Variants in SEMA3A observed in about 807,000 individuals in gnomAD.
SEMA3A encodes semaphorin-3A.
Under a neutral mutation model 97.9 loss-of-function variants are expected in SEMA3A, and 29 were observed. The ratio of observed to expected loss-of-function variants is 0.30; its 90% CI spans 0.22 to 0.40. The LOEUF (loss-of-function observed/expected upper bound fraction) is 0.40, where lower values mean the gene tolerates loss of function less well. Ranked by LOEUF, SEMA3A falls within the 10% of genes least tolerant of loss-of-function variation. SEMA3A has a pLI of 1.00. For missense variants in SEMA3A, 763 were observed against 951.3 expected (o/e 0.80, Z 2.60); for synonymous variants, 321 against 323.7 (o/e 0.99, Z 0.09).
rs867989786 is a variant in SEMA3A, at chr7:84,106,472, G to A, written c.453+3998C>T. On this transcript the variant is annotated intron_variant, in intron 4 of 16. Transcript: ENST00000265362. ...TACACTCTATGATTTTTGCACAACA[G>A]TAAAATAGCCTAAGGACATATTTCT... Among the ~76,000 whole-genome samples, 10 of 152,188 alleles carry A rather than the reference G, an allele frequency of 6.6e-5. No individual in the cohort carries two copies. In the South Asian group the frequency reaches 1.5e-3, roughly 22 times the overall value.
At position 84,449,863 on chromosome 7, in the gene SEMA3A, C is replaced by T. The variant is rs1584333783; in HGVS notation, c.-246+42597G>A. 2.0e-5 allele frequency among the ~76,000 whole-genome samples: 3 copies of T among 152,216 alleles called. No individual in the cohort carries two copies. In the Middle Eastern group the frequency reaches 0.01, roughly 518 times the overall value. ...GTCATTTTGTGGCTGAATTATTTCA[C>T]TTAGCATAATATCCTCAAAGTCCAT... On this transcript the variant is annotated intron_variant, in intron 1 of 3. Transcript: ENST00000424555.
At chr7:83,961,928 C>T in intron 16 of SEMA3A, 102 bp from the exon 17 acceptor site, 1 of 796,214 alleles carries the variant, frequency 1.3e-6, no homozygotes, top group African/African-American at 1.8e-5. Context: ...TGTTGAGGCA[C>T]ATTTTAACAG....
At chr7:84,176,800 G>A (rs1247600401) in intron 1 of SEMA3A, among the ~76,000 whole-genome samples, 1 of 151,884 alleles carries the variant, frequency 6.6e-6, no homozygotes, top group Non-Finnish European at 1.5e-5. Flanking sequence ...CAACAATTCA[G>A]TCTAGTCATT....
At chr7:84,067,575 A>T (rs945443823) in intron 4 of SEMA3A, among the ~76,000 whole-genome samples, 26 of 152,210 alleles carry the variant, frequency 1.7e-4, no homozygotes, top group Non-Finnish European at 3.4e-4. Flanking sequence ...CAAATTTACA[A>T]GAAAAAAACA....
intron 2 of SEMA3A, among the ~76,000 whole-genome samples, chr7:84,358,611 G>C (rs1266587888): frequency 2.6e-5 from 4 of 152,182 alleles, no homozygotes; most frequent in African/African-American, 9.6e-5. Context: ...GATTGACTTG[G>C]CAATGTGGGC....
chr7:84,445,493 C>CAAAAAAAAAAAAAAAAAAAAAAAAAAAA (rs61298477), intron 1 of SEMA3A, among the ~76,000 whole-genome samples: 19 of 27,580 alleles, frequency 6.9e-4, no homozygotes, highest in Non-Finnish European at 1.3e-3. Context: ...GACTCCATCT[C>CAAAAAAAAAAAAAAAAAAAAAAAAAAAA]AAAAAAAAAA....
intron 1 of SEMA3A, among the ~76,000 whole-genome samples, chr7:84,403,619 G>C (rs190453440): frequency 2.0e-5 from 3 of 152,142 alleles, no homozygotes; most frequent in Non-Finnish European, 4.4e-5. Flanking sequence ...CCTGACCCCC[G>C]AGCAGCCTAA....
At chr7:84,004,690 C>CTTA (rs1287181304) in intron 11 of SEMA3A, among the ~76,000 whole-genome samples, 1 of 152,124 alleles carries the variant, frequency 6.6e-6, no homozygotes. Context: ...CCTGATTAAA[C>CTTA]TTATCTACTT....
chr7:84,224,465 G>A (rs1798945043), intron 3 of SEMA3A, among the ~76,000 whole-genome samples: 1 of 152,006 alleles, frequency 6.6e-6, no homozygotes, highest in Admixed American at 6.6e-5. Flanking sequence ...ACACACCAAA[G>A]GGTAAGAGGT....
chr7:84,424,239 C>T (rs573001138), intron 1 of SEMA3A, among the ~76,000 whole-genome samples: 8 of 149,116 alleles, frequency 5.4e-5, no homozygotes, highest in Admixed American at 2.8e-4. Context: ...ACAGGATGAC[C>T]CTATGTACCC....
intron 4 of SEMA3A, among the ~76,000 whole-genome samples, chr7:84,076,496 A>G (rs1160954037): frequency 6.6e-6 from 1 of 152,090 alleles, no homozygotes; most frequent in East Asian, 1.9e-4. Flanking sequence ...TACTTTATTG[A>G]TACACTTCAG....
intron 1 of SEMA3A, among the ~76,000 whole-genome samples, chr7:84,417,958 A>G (rs1159676035): frequency 6.6e-6 from 1 of 152,074 alleles, no homozygotes; most frequent in Non-Finnish European, 1.5e-5. Flanking sequence ...TCTCATACCA[A>G]CCCTTCGAGG....
At chr7:84,050,196 G>A (rs1003419707) in intron 5 of SEMA3A, among the ~76,000 whole-genome samples, 15 of 152,016 alleles carry the variant, frequency 9.9e-5, no homozygotes, top group African/African-American at 3.6e-4. Flanking sequence ...TGTCTTTATA[G>A]CAGCATGATT....
chr7:84,174,145 G>C (rs1258718104), intron 1 of SEMA3A, among the ~76,000 whole-genome samples: 4 of 151,264 alleles, frequency 2.6e-5, no homozygotes, highest in African/African-American at 9.7e-5. Flanking sequence ...AGTGGCAAGT[G>C]AGTTGAAAAA....
At chr7:83,995,002 G>C (rs1054808856) in intron 12 of SEMA3A, among the ~76,000 whole-genome samples, 1 of 152,132 alleles carries the variant, frequency 6.6e-6, no homozygotes, top group Non-Finnish European at 1.5e-5. Context: ...AGCCATGTGC[G>C]GGATATAATC....
chr7:84,458,295 G>T (rs560953443), intron 1 of SEMA3A, among the ~76,000 whole-genome samples: 3 of 151,872 alleles, frequency 2.0e-5, no homozygotes, highest in Admixed American at 6.6e-5. Context: ...AATTTAACAT[G>T]TACACCAGCT....
At chr7:84,256,405 T>A (rs1024254045) in intron 3 of SEMA3A, among the ~76,000 whole-genome samples, 1 of 152,058 alleles carries the variant, frequency 6.6e-6, no homozygotes, top group Admixed American at 6.5e-5. Context: ...GACTTAGAGA[T>A]CCTTTGGACA....
At chr7:84,458,214 C>G (rs1327513573) in intron 1 of SEMA3A, among the ~76,000 whole-genome samples, 1 of 151,986 alleles carries the variant, frequency 6.6e-6, no homozygotes, top group African/African-American at 2.4e-5. Flanking sequence ...ACAGGCAATG[C>G]TTCACGTTTA....
chr7:84,136,280 T>C (rs1201929774), intron 1 of SEMA3A, among the ~76,000 whole-genome samples: 3 of 152,200 alleles, frequency 2.0e-5, no homozygotes, highest in Non-Finnish European at 4.4e-5. Context: ...AAACATATAT[T>C]AGCCATGTGA....
Sources: gnomAD v4.1 joint callset for allele counts (sites outside exome capture counted in the v4.1 genomes callset) on GRCh38, gnomAD v4.1.1 for gene constraint, MANE v1.5 for transcripts, NCBI Gene and HGNC (gene_info 2026-07-23, HGNC 2026-07-21) for gene names.